AATK: variants seen among roughly 807,000 people sequenced by gnomAD.
AATK encodes the protein serine/threonine-protein kinase LMTK1.
A neutral mutation model predicts 114.3 loss-of-function variants in AATK; 91 were observed. That is an observed-to-expected ratio of 0.80 (90% CI 0.67 to 0.95). AATK has a LOEUF of 0.95. Ranked by LOEUF, AATK falls within the 40% of genes least tolerant of loss-of-function variation. The probability of loss-of-function intolerance (pLI) is 0.00; values close to 1 mark genes in which losing one functional copy is unlikely to be tolerated. For missense variants in AATK, 2,176 were observed against 1,965.2 expected (o/e 1.11, Z -2.03); for synonymous variants, 1,075 against 916.5 (o/e 1.17, Z -3.12).
intron 1 of AATK, among the ~76,000 whole-genome samples, chr17:81,137,190 G>A (rs368613627): frequency 2.5e-4 from 38 of 151,944 alleles, no homozygotes; most frequent in African/African-American, 7.2e-4. Flanking sequence ...CCCAGGAGGC[G>A]GAGGCTGCAG....
chr17:81,133,057 G>T (rs58680264), intron 2 of AATK: 49,508 of 324,044 alleles, frequency 0.15, 4,265 homozygotes, highest in South Asian at 0.19. Flanking sequence ...GCGCCTGCGC[G>T]GCCTGGCCTG....
Position 81,120,589 on chromosome 17 carries a change from T to A in AATK, c.3347A>T (p.Glu1116Val), listed in dbSNP as rs766304985. ...VPLRSEGNSS[E>V]FQGPPGLLSG... Reference sequence around the variant, plus strand: ...CAACAGTCCTGGGGGCCCCTGGAACTCAGAGCTGTTGCCTTCTGATCTCAG... The same window carrying A: ...CAACAGTCCTGGGGGCCCCTGGAACACAGAGCTGTTGCCTTCTGATCTCAG... The change falls in exon 11 of 14, where the codon GAG becomes GTG. Residue 1116 changes from glutamate (E) to valine (V), a missense_variant. Transcript: ENST00000326724. The A allele has an allele frequency of 8.4e-6, 13 of 1,541,386 alleles. No individual in the cohort carries two copies. In the East Asian group the frequency reaches 2.8e-4, roughly 33 times the overall value.
intron 1 of AATK, among the ~76,000 whole-genome samples, chr17:81,139,729 C>A (rs1346034101): frequency 1.3e-5 from 2 of 152,238 alleles, no homozygotes; most frequent in Non-Finnish European, 2.9e-5. Context: ...CCCTCCACTG[C>A]GCTGCTGAGG....
intron 1 of AATK, among the ~76,000 whole-genome samples, chr17:81,156,337 TATTTTTATTGA>T (rs2061366675): frequency 6.6e-6 from 1 of 152,224 alleles, no homozygotes; most frequent in Non-Finnish European, 1.5e-5. Flanking sequence ...CTGAAGTTTT[TATTTTTATTGA>T]GTTTTTATGT....
intron 1 of AATK, among the ~76,000 whole-genome samples, chr17:81,149,947 A>C (rs1387422078): frequency 6.6e-6 from 1 of 152,066 alleles, no homozygotes; most frequent in East Asian, 1.9e-4. Flanking sequence ...GAGGAGGGCC[A>C]TGATTTTTTT....
At chr17:81,131,260 G>T in intron 2 of AATK, 55 bp from the exon 3 acceptor site, 1 of 1,508,650 alleles carries the variant, frequency 6.6e-7, no homozygotes, top group Non-Finnish European at 8.8e-7. Flanking sequence ...GAAGGGTGTG[G>T]CTGGGCCTGG....
In AATK at chr17:81,118,126, G is replaced by A. The variant is rs2060590848; in HGVS notation, c.*276C>T. The A allele has an allele frequency of 1.9e-6, 1 of 513,604 alleles. No homozygotes were observed. Among genetic ancestry groups the A allele is most frequent in the East Asian group, 3.3e-5 (1 of 30,652 alleles). 31.8% of individuals were successfully genotyped at this position (513,604 alleles called of 1,614,324 possible). ...TGGCCCCTTTTGAGTGTGTATGTGT[G>A]TACAGACACCCACTGTGGCTCCAGG... On this transcript the variant is annotated 3_prime_UTR_variant, in exon 14 of 14. Transcript: ENST00000326724.
chr17:81,138,042 G>A (rs542076195), intron 1 of AATK, among the ~76,000 whole-genome samples: 40 of 140,400 alleles, frequency 2.8e-4, no homozygotes, highest in Non-Finnish European at 5.1e-4. Context: ...CCACACCCAC[G>A]TGCACACAGA....
chr17:81,141,856 C>T (rs1054511471), intron 1 of AATK, among the ~76,000 whole-genome samples: 1 of 152,238 alleles, frequency 6.6e-6, no homozygotes, highest in African/African-American at 2.4e-5. Flanking sequence ...CCCTAGAGGC[C>T]TCTAGTGCCA....
intron 1 of AATK, among the ~76,000 whole-genome samples, chr17:81,136,793 G>A (rs999002896): frequency 2.6e-5 from 4 of 152,166 alleles, no homozygotes; most frequent in African/African-American, 9.7e-5. Flanking sequence ...ACACAAGCCA[G>A]CCAGAGCCAG....
chr17:81,148,064 C>CAAAAAAAAAAAAAAA (rs35731140), intron 1 of AATK, among the ~76,000 whole-genome samples: 6 of 101,822 alleles, frequency 5.9e-5, no homozygotes, highest in Non-Finnish European at 7.7e-5. Flanking sequence ...ACAACTTTGT[C>CAAAAAAAAAAAAAAA]AAAAAAAAAA....
intron 1 of AATK, 97 bp downstream of exon 1, chr17:81,165,841 T>C (rs1363684182): frequency 6.6e-7 from 1 of 1,523,002 alleles, no homozygotes; most frequent in African/African-American, 1.4e-5. Context: ...GGGGAAAGGG[T>C]TAATTTCCAT....
chr17:81,120,165 C>G, intron 11 of AATK, 36 bp downstream of exon 11: 5 of 1,534,756 alleles, frequency 3.3e-6, no homozygotes, highest in Middle Eastern at 1.8e-4. Context: ...AGCGCGACCC[C>G]CAGCCCCGGG....
intron 12 of AATK, 63 bp from the exon 13 acceptor site, chr17:81,119,643 CCA>C (rs2060664927): frequency 7.7e-7 from 1 of 1,300,676 alleles, no homozygotes; most frequent in East Asian, 2.8e-5. Flanking sequence ...GGCCCCGCTC[CCA>C]CAGTCACGGG....
chr17:81,122,385 C>T lies in AATK; in HGVS notation c.1551G>A (p.Pro517=), dbSNP rs2060710968. ...APDGAPPGVV[P]VLSAHSPSLG... ...GCGACGGGCTGTGCGCGCTGAGCACCGGAACCACGCCCGGGGGCGCGCCGT... is the reference window on the plus strand; with the variant it reads ...GCGACGGGCTGTGCGCGCTGAGCACTGGAACCACGCCCGGGGGCGCGCCGT... Residue 517 remains proline, a synonymous_variant, in exon 11 of 14, where the codon CCG becomes CCA. Transcript: ENST00000326724. 15 of 1,488,030 alleles carry T rather than the reference C, an allele frequency of 1.0e-5. No individual in the cohort carries two copies. Among genetic ancestry groups the T allele is most frequent in the African/African-American group, 1.5e-5 (1 of 68,420 alleles). The allele number at this position is 1,488,030 out of a possible 1,614,324, so 92.2% of individuals were successfully genotyped here. A position where few individuals can be genotyped will look rare whatever the true frequency, so the allele number is the denominator to read the frequency against.
intron 1 of AATK, among the ~76,000 whole-genome samples, chr17:81,135,572 G>T (rs1010145553): frequency 4.6e-5 from 7 of 152,148 alleles, no homozygotes; most frequent in African/African-American, 1.4e-4. Context: ...CAAAGGTGTT[G>T]TCATCTCTAC....
rs909640852 is a variant in AATK at position 81,119,609 on chromosome 17, G to C, written c.3884-29C>G. 3 of 1,536,280 alleles carry C rather than the reference G, an allele frequency of 2.0e-6. No homozygotes were observed. The South Asian group carries it at 3.6e-5, about 18-fold the overall frequency. On this transcript the variant is annotated intron_variant, in intron 12 of 13. Transcript: ENST00000326724. ...CAGCCCAGGTCGCGGCGTCACTCGC[G>C]CTCACAGCCTGGGACCCCGGCCCGG...
Position 81,131,116 on chromosome 17 carries a change from G to A in AATK, c.279C>T (p.Tyr93=), listed in dbSNP as rs779758251. ...ATAAQNGPDV[Y]VLPLTEVSLP... is the part of the protein sequence containing the mutation. ...AGGAGACCTCCGTGAGTGGCAGGAC[G>A]TACACGTCGGGCCCGTTCTGTGCTG... is the stretch of plus-strand genomic sequence containing the variant. The change falls in exon 3 of 14, where the codon TAC becomes TAT. Residue 93 remains tyrosine (Y), a synonymous_variant. Transcript: ENST00000326724. The A allele has an allele frequency of 6.5e-5, 102 of 1,561,616 alleles. No homozygotes were observed. The highest frequency in any genetic ancestry group is 3.7e-4 in the South Asian group (31 of 84,930).
rs187907198 is a variant in AATK at position 81,141,905 on chromosome 17, C to G, written c.56-7404G>C. Among the ~76,000 whole-genome samples, 1,418 of 149,892 alleles carry G rather than the reference C, an allele frequency of 9.5e-3. 28 individuals are homozygous for G. The highest frequency in any genetic ancestry group is 0.033 in the African/African-American group (1,335 of 40,736). The stretch of plus-strand genomic sequence containing the variant: ...TTTTTTCTTTCTTTCTTTTTTCTCT[C>G]TCTTTCTCCCTCTCCTTCCTTCCTT... On this transcript the variant is annotated intron_variant, in intron 1 of 13. Coordinates refer to ENST00000326724, the MANE Select transcript of AATK (RefSeq NM_001080395.3).
Sources: gnomAD v4.1 joint callset for allele counts (sites outside exome capture counted in the v4.1 genomes callset) on GRCh38, gnomAD v4.1.1 for gene constraint, MANE v1.5 for transcripts, NCBI Gene and HGNC (gene_info 2026-07-23, HGNC 2026-07-21) for gene names.